The following RANGRF variants were observed in gnomAD, a reference collection of about 807,000 sequenced individuals.
RANGRF encodes the protein RAN guanine nucleotide release factor.
In RANGRF, 17 loss-of-function variants were observed where a neutral mutation model predicts 21.8. The ratio of observed to expected loss-of-function variants is 0.78; its 90% CI spans 0.53 to 1.17. RANGRF has a LOEUF of 1.17. Among genes scored for constraint, RANGRF ranks in the 50% most tolerant of loss-of-function variants. The probability of loss-of-function intolerance (pLI) is 0.00; values close to 1 mark genes in which losing one functional copy is unlikely to be tolerated. For missense variants in RANGRF, 225 were observed against 235.5 expected (o/e 0.96, Z 0.29); for synonymous variants, 97 against 94.3 (o/e 1.03, Z -0.17).
chr17:8,288,696 G>A lies in RANGRF; in HGVS notation c.-93G>A. 1 of 1,405,636 alleles carries A rather than the reference G, an allele frequency of 7.1e-7. No individual in the cohort carries two copies. Among genetic ancestry groups the A allele is most frequent in the Non-Finnish European group, 1.0e-6 (1 of 992,636 alleles). 87.1% of individuals were successfully genotyped at this position (1,405,636 alleles called of 1,614,324 possible). On this transcript the variant is annotated 5_prime_UTR_variant, in exon 1 of 5. In the 5' UTR this introduces an upstream ATG that the reference lacks. Coordinates refer to ENST00000226105, the MANE Select transcript of RANGRF (RefSeq NM_016492.5). ...GGAGCTAAGCCAGACCCGGGTGGCG[G>A]TGGCAGCTGCGAAACCCAGGGAGCC...
chr17:8,289,585 C>A lies in RANGRF; in HGVS notation c.434C>A (p.Pro145His). The A allele has an allele frequency of 1.2e-6, 2 of 1,611,970 alleles. No individual in the cohort carries two copies. Among genetic ancestry groups the A allele is most frequent in the Non-Finnish European group, 1.7e-6 (2 of 1,178,242 alleles). The change falls in exon 4 of 5, where the codon CCC becomes CAC. Residue 145 changes from proline (P) to histidine (H), a missense_variant. By Grantham distance (77) the Pro-to-His change is moderately conservative. Coordinates refer to ENST00000226105, the MANE Select transcript of RANGRF (RefSeq NM_016492.5). ...QTDLLLTFNQ[P>H]PPDNRSSLGP... ...GATCTCTTGCTTACCTTCAATCAGCCCCCGTAAGGAGGAAGGAACGGGCGG... is the reference window on the plus strand; with the variant it reads ...GATCTCTTGCTTACCTTCAATCAGCACCCGTAAGGAGGAAGGAACGGGCGG...
Position 8,289,529 on chromosome 17 carries a change from G to A in RANGRF, c.378G>A (p.Gln126=). Reference sequence around the variant, plus strand: ...TAGCAAAGGACGTGACACTTCATCAGGCCTTGCTGAGGCTGCCCCAGTACC... The same window carrying A: ...TAGCAAAGGACGTGACACTTCATCAAGCCTTGCTGAGGCTGCCCCAGTACC... ...QQVAKDVTLH[Q]ALLRLPQYQT... is the part of the protein sequence containing the mutation. The change falls in exon 4 of 5, where the codon CAG becomes CAA. Residue 126 remains glutamine (Q), a synonymous_variant. Coordinates refer to ENST00000226105, the MANE Select transcript of RANGRF (RefSeq NM_016492.5). The A allele has an allele frequency of 6.2e-7, 1 of 1,614,184 alleles. No individual in the cohort carries two copies.
At chr17:8,289,171 C>CGG in intron 2 of RANGRF, 87 bp from the exon 3 acceptor site, 1 of 1,600,934 alleles carries the variant, frequency 6.2e-7, no homozygotes, top group Non-Finnish European at 8.5e-7. Context: ...AGACCACGCA[C>CGG]GGGCCGGGAG....
In RANGRF at chr17:8,289,995, GA is replaced by G; in HGVS notation, c.*63del. 1.2e-6 allele frequency: 2 copies of G among 1,610,320 alleles called. No homozygotes were observed. Among genetic ancestry groups the G allele is most frequent in the Non-Finnish European group, 1.7e-6 (2 of 1,176,810 alleles). On this transcript the variant is annotated 3_prime_UTR_variant, in exon 5 of 5. Transcript: ENST00000226105. ...CTTGGGGACTCGGTTCTGTGAGGGGGAAAAGAGGTTGAAAAGAGGGTTTCCT... is the reference window on the plus strand; with the variant it reads ...CTTGGGGACTCGGTTCTGTGAGGGGGAAAGAGGTTGAAAAGAGGGTTTCCT...
At chr17:8,289,116 G>C in intron 2 of RANGRF, 44 bp downstream of exon 2, 2 of 1,604,820 alleles carry the variant, frequency 1.2e-6, no homozygotes, top group Non-Finnish European at 1.7e-6. Context: ...GGGCGGGGTC[G>C]GACCAGTGGG....
At chr17:8,289,222 G>T (rs778199887) in intron 2 of RANGRF, 36 bp from the exon 3 acceptor site, 1 of 1,610,594 alleles carries the variant, frequency 6.2e-7, no homozygotes, top group East Asian at 2.2e-5. Context: ...GAGGCGACCA[G>T]AGATGTCCCT....
At position 8,290,026 on chromosome 17, in the gene RANGRF, T is replaced by G. The variant is rs1990362705; in HGVS notation, c.*90T>G. 1 of 1,604,016 alleles carries G rather than the reference T, an allele frequency of 6.2e-7. No individual in the cohort carries two copies. The highest frequency in any genetic ancestry group is 1.1e-5 in the South Asian group (1 of 90,562). ...AGGTTGAAAAGAGGGTTTCCTCTTA[T>G]TTCTTCCCTGTGCGTAAACATAAGA... On this transcript the variant is annotated 3_prime_UTR_variant, in exon 5 of 5. Coordinates refer to ENST00000226105, the MANE Select transcript of RANGRF (RefSeq NM_016492.5).
At position 8,288,679 on chromosome 17, in the gene RANGRF, G is replaced by A. The variant is rs1475839303; in HGVS notation, c.-110G>A. On this transcript the variant is annotated 5_prime_UTR_variant, in exon 1 of 5. Coordinates refer to ENST00000226105, the MANE Select transcript of RANGRF (RefSeq NM_016492.5). ...AAATCTTAAAGGATCCGGGAGCTAA[G>A]CCAGACCCGGGTGGCGGTGGCAGCT... 3 of 1,274,074 alleles carry A rather than the reference G, an allele frequency of 2.4e-6. No individual in the cohort carries two copies. The highest frequency in any genetic ancestry group is 3.4e-6 in the Non-Finnish European group (3 of 875,954). The allele number at this position is 1,274,074 out of a possible 1,614,324, so 78.9% of individuals were successfully genotyped here.
At position 8,290,045 on chromosome 17, in the gene RANGRF, C is replaced by T; in HGVS notation, c.*109C>T. 6.3e-7 allele frequency: 1 copy of T among 1,586,134 alleles called. No individual in the cohort carries two copies. Among genetic ancestry groups the T allele is most frequent in the Admixed American group, 1.8e-5 (1 of 57,042 alleles). Reference sequence around the variant, plus strand: ...CTCTTATTTCTTCCCTGTGCGTAAACATAAGACAATCCCTCTTCAGAATAA... The same window carrying T: ...CTCTTATTTCTTCCCTGTGCGTAAATATAAGACAATCCCTCTTCAGAATAA... On this transcript the variant is annotated 3_prime_UTR_variant, in exon 5 of 5. Coordinates refer to ENST00000226105, the MANE Select transcript of RANGRF (RefSeq NM_016492.5).
rs758784661 is a variant in RANGRF, at chr17:8,289,979, T to C, written c.*43T>C. On this transcript the variant is annotated 3_prime_UTR_variant, in exon 5 of 5. Transcript: ENST00000226105. ...ATGATGTTGCTGAGAACTTGGGGAC[T>C]CGGTTCTGTGAGGGGGAAAAGAGGT... is the stretch of plus-strand genomic sequence containing the variant. The C allele has an allele frequency of 1.2e-5, 20 of 1,612,836 alleles. No homozygotes were observed. Among genetic ancestry groups the C allele is most frequent in the Non-Finnish European group, 1.7e-5 (20 of 1,178,972 alleles).
intron 2 of RANGRF, 28 bp downstream of exon 2, chr17:8,289,100 T>A: frequency 6.2e-7 from 1 of 1,610,352 alleles, no homozygotes; most frequent in Non-Finnish European, 8.5e-7. Context: ...GGCTGGCCAA[T>A]GGCAGGGGCG....
rs1990228724 is a variant in RANGRF at position 8,288,674 on chromosome 17, G to A, written c.-115G>A. The A allele has an allele frequency of 2.5e-6, 3 of 1,204,112 alleles. No homozygotes were observed. The highest frequency in any genetic ancestry group is 1.2e-6 in the Non-Finnish European group (1 of 814,274). 74.6% of individuals were successfully genotyped at this position (1,204,112 alleles called of 1,614,324 possible). On this transcript the variant is annotated 5_prime_UTR_variant, in exon 1 of 5. Transcript: ENST00000226105. ...GAGCCAAATCTTAAAGGATCCGGGA[G>A]CTAAGCCAGACCCGGGTGGCGGTGG...
Position 8,289,506 on chromosome 17 carries a change from G to A in RANGRF, c.355G>A (p.Ala119Thr), listed in dbSNP as rs1251998769. 6.2e-7 allele frequency: 1 copy of A among 1,614,214 alleles called. No homozygotes were observed. Among genetic ancestry groups the A allele is most frequent in the Middle Eastern group, 1.6e-4 (1 of 6,062 alleles). The change falls in exon 4 of 5, where the codon GCA becomes ACA. Residue 119 changes from alanine to threonine, a missense_variant. Coordinates refer to ENST00000226105, the MANE Select transcript of RANGRF (RefSeq NM_016492.5). ...QQIAKENQQV[A>T]KDVTLHQALL... is the part of the protein sequence containing the mutation. ...ATCCTGACTCTGATCCCCTTAGGTA[G>A]CAAAGGACGTGACACTTCATCAGGC...
intron 4 of RANGRF, 26 bp from the exon 5 acceptor site, chr17:8,289,787 G>A (rs778569526): frequency 1.2e-6 from 2 of 1,613,582 alleles, no homozygotes; most frequent in East Asian, 2.2e-5. Context: ...ATGATGTTCT[G>A]TCTCCATCTG....
At chr17:8,289,183 C>T in intron 2 of RANGRF, 75 bp from the exon 3 acceptor site, 1 of 1,602,766 alleles carries the variant, frequency 6.2e-7, no homozygotes, top group Non-Finnish European at 8.5e-7. Flanking sequence ...GGCCGGGAGC[C>T]AGGCCTGCAA....
At chr17:8,289,775 GGAT>G (rs1450975569) in intron 4 of RANGRF, 35 bp from the exon 5 acceptor site, 3 of 1,613,562 alleles carry the variant, frequency 1.9e-6, no homozygotes, top group Non-Finnish European at 2.5e-6. Context: ...CCTCAGGCCT[GGAT>G]GATGTTCTGT....
In RANGRF at chr17:8,290,039, C is replaced by T. The variant is rs550366114; in HGVS notation, c.*103C>T. On this transcript the variant is annotated 3_prime_UTR_variant, in exon 5 of 5. Transcript: ENST00000226105. ...GGTTTCCTCTTATTTCTTCCCTGTGCGTAAACATAAGACAATCCCTCTTCA... is the reference window on the plus strand; with the variant it reads ...GGTTTCCTCTTATTTCTTCCCTGTGTGTAAACATAAGACAATCCCTCTTCA... 2.4e-5 allele frequency: 38 copies of T among 1,596,038 alleles called. No individual in the cohort carries two copies. Among genetic ancestry groups the T allele is most frequent in the South Asian group, 5.6e-5 (5 of 89,382 alleles).
At chr17:8,289,770 G>A in intron 4 of RANGRF, 43 bp from the exon 5 acceptor site, 1 of 1,613,684 alleles carries the variant, frequency 6.2e-7, no homozygotes, top group Non-Finnish European at 8.5e-7. Context: ...CCAAACCTCA[G>A]GCCTGGATGA....
At position 8,288,870 on chromosome 17, in the gene RANGRF, G is replaced by A. The variant is rs369372561; in HGVS notation, c.77+5G>A. On this transcript the variant is annotated splice_donor_5th_base_variant and intron_variant, in intron 1 of 4. Transcript: ENST00000226105. ...CATGGGGGCCATTGACGTAAGGTGAGAAGGCCGGGGCGCCCAGGGGCGGCT... is the reference window on the plus strand; with the variant it reads ...CATGGGGGCCATTGACGTAAGGTGAAAAGGCCGGGGCGCCCAGGGGCGGCT... 652 of 1,614,116 alleles carry A rather than the reference G, an allele frequency of 4.0e-4. 1 individual carries two copies. The highest frequency in any genetic ancestry group is 5.3e-4 in the Non-Finnish European group (625 of 1,180,052).
Sources: gnomAD v4.1 joint callset for allele counts on GRCh38, gnomAD v4.1.1 for gene constraint, MANE v1.5 for transcripts, NCBI Gene and HGNC (gene_info 2026-07-23, HGNC 2026-07-21) for gene names.